The following GNG2 variants were observed in gnomAD, a reference collection of about 807,000 sequenced individuals.
GNG2 encodes G protein subunit gamma 2, also known as guanine nucleotide-binding protein G(I)/G(S)/G(O) subunit gamma-2.
In GNG2, 5 loss-of-function variants were observed where a neutral mutation model predicts 5.5. The observed-to-expected ratio is 0.91, with a 90% CI of 0.48 to 1.92. The LOEUF is 1.92. Among genes scored for constraint, GNG2 ranks in the 30% most tolerant of loss-of-function variants. The pLI, the probability that GNG2 is intolerant of heterozygous loss-of-function variation, is 0.01. For missense variants in GNG2, 55 were observed against 88.4 expected, an observed-to-expected ratio of 0.62 and a Z score of 1.52; for synonymous variants, 28 against 32.0, an observed-to-expected ratio of 0.88 and a Z score of 0.42.
intron 2 of GNG2, among the ~76,000 whole-genome samples, chr14:51,831,607 A>G (rs919058405): frequency 1.3e-5 from 2 of 152,244 alleles, no homozygotes; most frequent in Non-Finnish European, 1.5e-5. Flanking sequence ...GAAGGAAGGG[A>G]AAAGCTCATT....
intron 2 of GNG2, among the ~76,000 whole-genome samples, chr14:51,889,391 C>G (rs548371779): frequency 4.7e-4 from 71 of 151,966 alleles, no homozygotes; most frequent in Non-Finnish European, 5.7e-4. Flanking sequence ...CCACCATGCC[C>G]GGTCCTTGGG....
chr14:51,846,738 A>G (rs999816160), intron 2 of GNG2, among the ~76,000 whole-genome samples: 1 of 151,978 alleles, frequency 6.6e-6, no homozygotes, highest in Non-Finnish European at 1.5e-5. Flanking sequence ...CAAAAAAGGG[A>G]TTTCCCCTTT....
At chr14:51,892,939 C>T (rs997598558) in intron 2 of GNG2, among the ~76,000 whole-genome samples, 1 of 152,210 alleles carries the variant, frequency 6.6e-6, no homozygotes, top group Non-Finnish European at 1.5e-5. Flanking sequence ...GTGCAGCTAT[C>T]TTTTATGTGA....
rs367688367 is a variant in GNG2 at position 51,908,469 on chromosome 14, CTATGTCTAAGG to C, written c.-30+30813_-30+30823del. On this transcript the variant is annotated intron_variant, in intron 2 of 3. Coordinates refer to ENST00000556766, the MANE Select transcript of GNG2 (RefSeq NM_053064.5). ...GAGCTGCATTCTTTTAAGTCTGGTG[CTATGTCTAAGG>C]ACAGACTCTTGGTCAAGTTAATAAA... Among the ~76,000 whole-genome samples, 445 of 152,174 alleles carry C rather than the reference CTATGTCTAAGG, an allele frequency of 2.9e-3. 2 individuals are homozygous for C. The highest frequency in any genetic ancestry group is 0.01 in the African/African-American group (423 of 41,512).
chr14:51,842,424 C>G (rs998863852), intron 2 of GNG2, among the ~76,000 whole-genome samples: 1 of 152,170 alleles, frequency 6.6e-6, no homozygotes, highest in African/African-American at 2.4e-5. Context: ...AATAATGGAA[C>G]CTATGACTGG....
At chr14:51,942,046 C>A (rs1360166850) in intron 2 of GNG2, among the ~76,000 whole-genome samples, 1 of 152,158 alleles carries the variant, frequency 6.6e-6, no homozygotes, top group African/African-American at 2.4e-5. Flanking sequence ...CCGGAATAAT[C>A]TCATTCTGTC....
chr14:51,923,358 T>C (rs1286085744), intron 2 of GNG2, among the ~76,000 whole-genome samples: 1 of 152,140 alleles, frequency 6.6e-6, no homozygotes, highest in Non-Finnish European at 1.5e-5. Flanking sequence ...CTGTAGAGGT[T>C]AAGAGAGGGT....
chr14:51,880,967 GAAAA>G (rs11463019), intron 2 of GNG2, among the ~76,000 whole-genome samples: 34 of 101,986 alleles, frequency 3.3e-4, no homozygotes, highest in Admixed American at 1.0e-3. Flanking sequence ...CAAAAAAAAA[GAAAA>G]AAAAAAAAAA....
intron 2 of GNG2, among the ~76,000 whole-genome samples, chr14:51,836,966 T>C (rs1455488995): frequency 6.6e-6 from 1 of 151,100 alleles, no homozygotes; most frequent in Non-Finnish European, 1.5e-5. Flanking sequence ...CAAGCGATTC[T>C]CCTGCCTCAG....
intron 2 of GNG2, among the ~76,000 whole-genome samples, chr14:51,902,721 G>A (rs1469186559): frequency 1.3e-5 from 2 of 151,996 alleles, no homozygotes; most frequent in Non-Finnish European, 2.9e-5. Context: ...GAGAGACACT[G>A]TCTGTACAAA....
At chr14:51,908,337 T>C (rs1886066931) in intron 2 of GNG2, among the ~76,000 whole-genome samples, 1 of 152,192 alleles carries the variant, frequency 6.6e-6, no homozygotes, top group Non-Finnish European at 1.5e-5. Context: ...TTCTATACTA[T>C]TCTGTTGGTC....
intron 3 of GNG2, among the ~76,000 whole-genome samples, chr14:51,965,985 G>C (rs11847369): frequency 0.013 from 1,911 of 151,980 alleles, 47 homozygotes; most frequent in African/African-American, 0.043. Context: ...GAGACAGGTG[G>C]ATCACTTGAG....
chr14:51,877,951 G>T (rs1883784888), intron 2 of GNG2: 3 of 227,590 alleles, frequency 1.3e-5, no homozygotes, highest in South Asian at 5.4e-5. Flanking sequence ...GCACAAACAT[G>T]ATTAATAGGT....
chr14:51,907,660 A>G (rs1392840186), intron 2 of GNG2, among the ~76,000 whole-genome samples: 1 of 152,238 alleles, frequency 6.6e-6, no homozygotes, highest in Non-Finnish European at 1.5e-5. Context: ...ATTGGGTCAG[A>G]TAGAAAAGGT....
At chr14:51,866,822 T>C (rs1882927617) in intron 1 of GNG2, among the ~76,000 whole-genome samples, 2 of 152,308 alleles carry the variant, frequency 1.3e-5, no homozygotes, top group South Asian at 4.1e-4. Context: ...TTCCAACATA[T>C]GGGTATGTAG....
At chr14:51,851,379 A>T (rs997423370) in intron 2 of GNG2, among the ~76,000 whole-genome samples, 3 of 152,210 alleles carry the variant, frequency 2.0e-5, no homozygotes, top group South Asian at 4.1e-4. Flanking sequence ...TTTTGACCCA[A>T]TGGTACTGGA....
intron 2 of GNG2, among the ~76,000 whole-genome samples, chr14:51,941,876 A>G (rs1655882121): frequency 6.6e-6 from 1 of 152,210 alleles, no homozygotes. Context: ...TCATCAGTTG[A>G]AAAGAATAAA....
At chr14:51,830,445 T>C (rs1372562108) in intron 2 of GNG2, among the ~76,000 whole-genome samples, 1 of 152,202 alleles carries the variant, frequency 6.6e-6, no homozygotes, top group Non-Finnish European at 1.5e-5. Flanking sequence ...AATTGCCTAT[T>C]GGACATCTCC....
intron 1 of GNG2, among the ~76,000 whole-genome samples, chr14:51,861,906 T>C (rs1054117717): frequency 2.0e-5 from 3 of 152,272 alleles, no homozygotes; most frequent in Admixed American, 6.5e-5. Context: ...GTTTCTATAA[T>C]GAAAGGAGAT....
Sources: allele counts gnomAD v4.1 joint callset (sites outside exome capture counted in the v4.1 genomes callset), GRCh38; gene constraint gnomAD v4.1.1; transcripts MANE v1.5; gene names NCBI Gene and HGNC (gene_info 2026-07-23, HGNC 2026-07-21).